Variants in COL4A2 observed in about 807,000 individuals in gnomAD.
COL4A2 encodes collagen type IV alpha 2 chain, also known as collagen alpha-2(IV) chain.
A neutral mutation model predicts 200.2 loss-of-function variants in COL4A2; 99 were observed. The observed-to-expected ratio is 0.49, with a 90% CI of 0.42 to 0.58. The LOEUF is 0.58. Ranked by LOEUF, COL4A2 falls within the 20% of genes least tolerant of loss-of-function variation. The pLI, the probability that COL4A2 is intolerant of heterozygous loss-of-function variation, is 0.00. For synonymous variants in COL4A2, 897 were observed against 900.6 expected (o/e 1.00, Z 0.07); for missense variants, 1,950 against 2,314.1 (o/e 0.84, Z 3.23).
At chr13:110,463,607 A>G (rs1030858172) in intron 24 of COL4A2, among the ~76,000 whole-genome samples, 2 of 152,194 alleles carry the variant, frequency 1.3e-5, no homozygotes, top group Non-Finnish European at 2.9e-5. Flanking sequence ...ATCAAAGCTC[A>G]CTGCAGCCTC....
chr13:110,476,502 G>A (rs116661912), intron 29 of COL4A2, among the ~76,000 whole-genome samples: 183 of 152,356 alleles, frequency 1.2e-3, no homozygotes, highest in African/African-American at 4.2e-3. Flanking sequence ...GCAGTCAGCA[G>A]CCTGACTCTC....
At chr13:110,333,317 A>G (rs1193397718) in intron 3 of COL4A2, among the ~76,000 whole-genome samples, 1 of 152,182 alleles carries the variant, frequency 6.6e-6, no homozygotes, top group Admixed American at 6.5e-5. Flanking sequence ...CTTGGAAAAC[A>G]TTAGGAGTCC....
intron 29 of COL4A2, 30 bp from the exon 30 acceptor site, chr13:110,477,973 C>A: frequency 6.6e-7 from 1 of 1,516,464 alleles, no homozygotes; most frequent in Non-Finnish European, 8.9e-7. Context: ...CAGAGTTGGC[C>A]CCCACAGCTC....
intron 22 of COL4A2, chr13:110,461,884 T>G (rs1162192241): frequency 1.6e-6 from 1 of 606,554 alleles, no homozygotes; most frequent in Non-Finnish European, 2.9e-6. Flanking sequence ...AGTTCCTCAG[T>G]CCCACCATCC....
chr13:110,485,780 C>G lies in COL4A2; in HGVS notation c.3151C>G (p.Pro1051Ala). ...CGGCATCCCCGGTTTGCCAGGATTC[C>G]CTGGGGTGGCTGGCCCCCCTGGAAT... ...VPGIPGLPGFPGVAGPPGITG... is the reference protein window; with the variant it reads ...VPGIPGLPGFAGVAGPPGITG... The change falls in exon 34 of 48, where the codon CCT becomes GCT. Residue 1051 changes from proline (P) to alanine (A), a missense_variant. By Grantham distance (27) the Pro-to-Ala change is conservative. Coordinates refer to ENST00000360467, the MANE Select transcript of COL4A2 (RefSeq NM_001846.4). The G allele has an allele frequency of 6.2e-7, 1 of 1,613,882 alleles. No individual in the cohort carries two copies. The highest frequency in any genetic ancestry group is 8.5e-7 in the Non-Finnish European group (1 of 1,179,934).
At chr13:110,394,346 A>T (rs527703465) in intron 4 of COL4A2, among the ~76,000 whole-genome samples, 30 of 152,286 alleles carry the variant, frequency 2.0e-4, no homozygotes, top group African/African-American at 7.2e-4. Flanking sequence ...CCACTTGTCC[A>T]CTGTTTCTAA....
chr13:110,425,271 A>C (rs1188180853), intron 6 of COL4A2, among the ~76,000 whole-genome samples: 11 of 152,146 alleles, frequency 7.2e-5, no homozygotes, highest in Admixed American at 5.2e-4. Flanking sequence ...TGCTGTCCAG[A>C]TACTCGCCCT....
chr13:110,366,709 A>G (rs1877769431), intron 4 of COL4A2, among the ~76,000 whole-genome samples: 1 of 152,232 alleles, frequency 6.6e-6, no homozygotes, highest in Non-Finnish European at 1.5e-5. Context: ...TCATTAAATC[A>G]GAAGGACATG....
At chr13:110,337,965 G>A (rs1876278202) in intron 3 of COL4A2, among the ~76,000 whole-genome samples, 2 of 152,112 alleles carry the variant, frequency 1.3e-5, no homozygotes, top group South Asian at 4.1e-4. Context: ...TCCTTTTCTT[G>A]TTGCTTTGTA....
intron 3 of COL4A2, among the ~76,000 whole-genome samples, chr13:110,330,320 A>G (rs1482266315): frequency 6.6e-6 from 1 of 152,154 alleles, no homozygotes; most frequent in African/African-American, 2.4e-5. Flanking sequence ...GTGGAAAGAT[A>G]CTGCTGTAAC....
intron 4 of COL4A2, among the ~76,000 whole-genome samples, chr13:110,416,981 TTTTC>T (rs1404794228): frequency 6.9e-6 from 1 of 145,958 alleles, no homozygotes; most frequent in Non-Finnish European, 1.5e-5. Context: ...CCTGGCAGAC[TTTTC>T]TTTTTTTTTT....
chr13:110,340,084 A>T (rs1369459910), intron 3 of COL4A2, among the ~76,000 whole-genome samples: 2 of 152,178 alleles, frequency 1.3e-5, no homozygotes, highest in Non-Finnish European at 2.9e-5. Context: ...AGAACCTCTC[A>T]CCCAATGGGC....
At chr13:110,479,813 G>T (rs61968352) in intron 30 of COL4A2, among the ~76,000 whole-genome samples, 39,278 of 152,088 alleles carry the variant, frequency 0.26, 5,962 homozygotes, top group Admixed American at 0.35. Flanking sequence ...TGGGCAGCTG[G>T]AGGGTCCCCC....
intron 3 of COL4A2, among the ~76,000 whole-genome samples, chr13:110,324,097 T>G (rs1441358212): frequency 6.6e-6 from 1 of 151,142 alleles, no homozygotes; most frequent in East Asian, 1.9e-4. Context: ...CTATTTCAAT[T>G]TAATAGCATG....
At chr13:110,448,620 G>A (rs1881414840) in intron 18 of COL4A2, among the ~76,000 whole-genome samples, 1 of 152,248 alleles carries the variant, frequency 6.6e-6, no homozygotes, top group Admixed American at 6.5e-5. Flanking sequence ...TGTATTAAAA[G>A]AAATGATTCC....
intron 30 of COL4A2, among the ~76,000 whole-genome samples, chr13:110,478,610 AGGT>A (rs1192521485): frequency 1.3e-5 from 2 of 152,132 alleles, no homozygotes; most frequent in African/African-American, 2.4e-5. Flanking sequence ...CAGGTGGCAG[AGGT>A]GGCCCAGAAG....
intron 4 of COL4A2, among the ~76,000 whole-genome samples, chr13:110,367,413 A>G (rs1384051077): frequency 1.3e-5 from 2 of 152,254 alleles, no homozygotes; most frequent in African/African-American, 4.8e-5. Context: ...TGTTTTGAAT[A>G]AAGAAACCGA....
At chr13:110,388,849 C>G (rs1263588092) in intron 4 of COL4A2, among the ~76,000 whole-genome samples, 2 of 152,210 alleles carry the variant, frequency 1.3e-5, no homozygotes, top group African/African-American at 4.8e-5. Context: ...GGGACAGATT[C>G]CTCGTGTGAT....
chr13:110,421,367 CAAAT>C, intron 4 of COL4A2, among the ~76,000 whole-genome samples: 1 of 152,288 alleles, frequency 6.6e-6, no homozygotes, highest in Non-Finnish European at 1.5e-5. Flanking sequence ...TGTCCACGAA[CAAAT>C]GAATGAACCC....
Sources: allele counts gnomAD v4.1 joint callset (sites outside exome capture counted in the v4.1 genomes callset), GRCh38; gene constraint gnomAD v4.1.1; transcripts MANE v1.5; gene names NCBI Gene and HGNC (gene_info 2026-07-23, HGNC 2026-07-21).